JADE2: variants seen among roughly 807,000 people sequenced by gnomAD.
JADE2 encodes the protein E3 ubiquitin-protein ligase Jade-2.
A neutral mutation model predicts 85.7 loss-of-function variants in JADE2; 13 were observed. The observed-to-expected ratio is 0.15, with a 90% confidence interval of 0.10 to 0.24. The LOEUF is 0.24. Ranked by LOEUF, JADE2 falls within the 10% of genes least tolerant of loss-of-function variation. The probability of loss-of-function intolerance (pLI) is 1.00; values close to 1 mark genes in which losing one functional copy is unlikely to be tolerated. For synonymous variants in JADE2, 440 were observed against 456.1 expected (o/e 0.96, Z 0.45); for missense variants, 846 against 1,115.9 (o/e 0.76, Z 3.45).
chr5:134,539,043 T>TTTTATTTTA (rs1554124817), intron 3 of JADE2, among the ~76,000 whole-genome samples: 1 of 134,378 alleles, frequency 7.4e-6, no homozygotes, highest in Admixed American at 7.5e-5. Flanking sequence ...TTTATTTTTA[T>TTTTATTTTA]TTTATTTATT....
upstream of JADE2, among the ~76,000 whole-genome samples, chr5:134,524,794 G>A (rs1235628532): frequency 1.3e-5 from 2 of 152,162 alleles, no homozygotes; most frequent in South Asian, 2.1e-4. Context: ...AAGTTCCCCC[G>A]CCCGGAATGT....
intron 4 of JADE2, among the ~76,000 whole-genome samples, chr5:134,556,792 A>C (rs1762961983): frequency 7.0e-6 from 1 of 143,060 alleles, no homozygotes; most frequent in Non-Finnish European, 1.5e-5. Context: ...CACCTCACAC[A>C]TCACACAAAA....
At chr5:134,572,025 C>T (rs1019276258) in intron 9 of JADE2, among the ~76,000 whole-genome samples, 6 of 152,232 alleles carry the variant, frequency 3.9e-5, no homozygotes, top group African/African-American at 1.4e-4. Flanking sequence ...GGGGCCCCAG[C>T]GGCGTTGCTC....
Position 134,566,589 on chromosome 5 carries a change from C to T in JADE2, c.1434+9C>T, listed in dbSNP as rs1450507939. ...GGCAGGACCTAGAGAGGGTGAGTCC[C>T]CATGCCGCCTGCCCACCCCCTGCCT... is the stretch of plus-strand genomic sequence containing the variant. On this transcript the variant is annotated intron_variant, in intron 9 of 11. Coordinates refer to ENST00000681547, the MANE Select transcript of JADE2 (RefSeq NM_001388185.1). The surrounding 1 kb of genome is among the most constrained non-coding windows in gnomAD (Gnocchi z 6.7). The T allele has an allele frequency of 6.5e-7, 1 of 1,536,926 alleles. No homozygotes were observed. Among genetic ancestry groups the T allele is most frequent in the South Asian group, 1.2e-5 (1 of 83,096 alleles).
chr5:134,570,064 G>A (rs979704213), intron 9 of JADE2, among the ~76,000 whole-genome samples: 1 of 152,108 alleles, frequency 6.6e-6, no homozygotes, highest in East Asian at 1.9e-4. Flanking sequence ...GTATGGCACT[G>A]GCCTGCTATG....
chr5:134,527,684 C>T (rs1408876901), intron 1 of JADE2, among the ~76,000 whole-genome samples: 4 of 151,370 alleles, frequency 2.6e-5, no homozygotes, highest in Admixed American at 2.0e-4. Context: ...CACGCCGGCG[C>T]GCCTCCAGCC....
intron 10 of JADE2, chr5:134,574,083 G>C: frequency 2.6e-6 from 1 of 385,260 alleles, no homozygotes. Context: ...AGAAGTCCTA[G>C]TGGCTCTCTG....
chr5:134,577,034 C>A, intron 11 of JADE2, 138 bp downstream of exon 11: 2 of 975,162 alleles, frequency 2.1e-6, no homozygotes, highest in Non-Finnish European at 3.0e-6. Context: ...CCCTTGCTTG[C>A]CCAGGTGCAC....
chr5:134,553,698 A>G (rs1006876867), intron 4 of JADE2, among the ~76,000 whole-genome samples: 9 of 152,162 alleles, frequency 5.9e-5, no homozygotes, highest in African/African-American at 2.2e-4. Context: ...GAGTTCTTAG[A>G]GGGGGAGTCA....
Position 134,579,536 on chromosome 5 carries a change from G to A in JADE2, c.*219G>A, listed in dbSNP as rs59414505. 0.094 allele frequency: 51,256 copies of A among 545,306 alleles called. 3,751 individuals are homozygous for A. The highest frequency in any genetic ancestry group is 0.32 in the East Asian group (11,078 of 34,414). 33.8% of individuals were successfully genotyped at this position (545,306 alleles called of 1,614,324 possible). A position where few individuals can be genotyped will look rare whatever the true frequency, so the allele number is the denominator to read the frequency against. ...TAGGATTCCTTCCACGGCTCCGGCC[G>A]CTAGGACCCTGCCAGGTCCCGCGCA... On this transcript the variant is annotated 3_prime_UTR_variant, in exon 12 of 12. Transcript: ENST00000681547. The surrounding 1 kb of genome is among the most constrained non-coding windows in gnomAD (Gnocchi z 4.6).
At chr5:134,565,268 G>A (rs1406315901) in intron 8 of JADE2, among the ~76,000 whole-genome samples, 1 of 152,208 alleles carries the variant, frequency 6.6e-6, no homozygotes, top group Non-Finnish European at 1.5e-5. Flanking sequence ...CGTTAGTTGT[G>A]CCTTCACCCA....
intron 1 of JADE2, chr5:134,526,468 G>T: frequency 1.0e-6 from 1 of 985,196 alleles, no homozygotes; most frequent in Non-Finnish European, 1.2e-6. Flanking sequence ...GGGGCTCCGA[G>T]AACCTGGAGC....
intron 1 of JADE2, 150 bp downstream of exon 1, chr5:134,526,161 C>T (rs1252403634): frequency 2.0e-6 from 2 of 985,362 alleles, no homozygotes; most frequent in African/African-American, 3.5e-5. Flanking sequence ...TTCTAGGAAG[C>T]CAGCGCGGAG....
At chr5:134,527,572 C>T (rs1381031016) in intron 1 of JADE2, among the ~76,000 whole-genome samples, 1 of 151,964 alleles carries the variant, frequency 6.6e-6, no homozygotes, top group East Asian at 2.0e-4. Context: ...ACCCACCTCC[C>T]GGCGCCGCCC....
intron 3 of JADE2, among the ~76,000 whole-genome samples, chr5:134,541,959 G>GATT (rs1382227375): frequency 6.6e-6 from 1 of 152,282 alleles, no homozygotes; most frequent in East Asian, 1.9e-4. Flanking sequence ...CTTGCCCAAT[G>GATT]GCTGGCCCTT....
intron 9 of JADE2, among the ~76,000 whole-genome samples, chr5:134,569,542 G>A (rs1408697601): frequency 3.9e-5 from 6 of 152,218 alleles, no homozygotes; most frequent in Non-Finnish European, 8.8e-5. Flanking sequence ...GACAAGTGCC[G>A]GCTGGTGTCC....
chr5:134,555,828 T>A (rs1762876854), intron 4 of JADE2, among the ~76,000 whole-genome samples: 4 of 152,202 alleles, frequency 2.6e-5, no homozygotes, highest in Admixed American at 2.0e-4. Flanking sequence ...CCATATGGAA[T>A]CACCTGTTAG....
chr5:134,535,049 G>C (rs7738043), intron 1 of JADE2, among the ~76,000 whole-genome samples: 51,032 of 152,144 alleles, frequency 0.34, 8,743 homozygotes, highest in Middle Eastern at 0.46. Context: ...AGCAGGACAA[G>C]GTGCTGGCCT....
chr5:134,542,340 A>C (rs1345058379), intron 3 of JADE2, among the ~76,000 whole-genome samples: 3 of 151,960 alleles, frequency 2.0e-5, no homozygotes, highest in East Asian at 3.9e-4. Context: ...TGAGAATCTA[A>C]TGGAATTTAC....
Sources: gnomAD v4.1 joint callset for allele counts (sites outside exome capture counted in the v4.1 genomes callset) on GRCh38, gnomAD v4.1.1 for gene constraint, Gnocchi (gnomAD v3.1) non-coding constraint, MANE v1.5 for transcripts, NCBI Gene and HGNC (gene_info 2026-07-23, HGNC 2026-07-21) for gene names.